The following ANKRD17 variants were observed in gnomAD, a reference collection of about 807,000 sequenced individuals.
ANKRD17 encodes the protein ankyrin repeat domain 17.
A neutral mutation model predicts 229.7 loss-of-function variants in ANKRD17; 19 were observed. That is an observed-to-expected ratio of 0.08 (90% CI 0.06 to 0.12). The LOEUF is 0.12. Ranked by LOEUF, ANKRD17 falls within the 10% of genes least tolerant of loss-of-function variation. ANKRD17 has a pLI of 1.00. For synonymous variants in ANKRD17, 1,112 were observed against 1,146.1 expected (o/e 0.97, Z 0.60); for missense variants, 2,176 against 3,176.8 (o/e 0.68, Z 7.57).
intron 3 of ANKRD17, among the ~76,000 whole-genome samples, chr4:73,159,554 T>C (rs1000203565): frequency 2.0e-5 from 3 of 152,232 alleles, no homozygotes; most frequent in African/African-American, 7.2e-5. Context: ...TCTCAAACTT[T>C]GTTGAATAAA....
intron 1 of ANKRD17, among the ~76,000 whole-genome samples, chr4:73,241,674 C>T (rs1744059707): frequency 6.6e-6 from 1 of 152,064 alleles, no homozygotes; most frequent in East Asian, 1.9e-4. Flanking sequence ...TAAACTGAAT[C>T]TGTAAAATGA....
chr4:73,211,951 G>A (rs1342177949), intron 1 of ANKRD17, among the ~76,000 whole-genome samples: 1 of 151,670 alleles, frequency 6.6e-6, no homozygotes, highest in Non-Finnish European at 1.5e-5. Flanking sequence ...AAAAAACACA[G>A]GAATAAAGAA....
Position 73,147,424 on chromosome 4 carries a change from T to C in ANKRD17, c.1576A>G (p.Ile526Val). 1 of 1,537,852 alleles carries C rather than the reference T, an allele frequency of 6.5e-7. No individual in the cohort carries two copies. Among genetic ancestry groups the C allele is most frequent in the South Asian group, 1.3e-5 (1 of 77,460 alleles). ...VALLLGQGAN[I>V]NAQTEETQET... is the part of the protein sequence containing the mutation. ...TGAGTTTCTTCTGTCTGTGCATTGATATTTGCTCCTAAAATAAAGATTCTA... is the reference window on the plus strand; with the variant it reads ...TGAGTTTCTTCTGTCTGTGCATTGACATTTGCTCCTAAAATAAAGATTCTA... The change falls in exon 9 of 34, where the codon ATC becomes GTC. Residue 526 changes from isoleucine to valine, a missense_variant. By Grantham distance (29) the Ile-to-Val change is conservative. This residue lies in a region of ANKRD17 where 42 missense variants were observed against 141.3 expected (regional missense o/e 0.30). Transcript: ENST00000358602.
At chr4:73,226,005 T>C in intron 1 of ANKRD17, among the ~76,000 whole-genome samples, 1 of 118,534 alleles carries the variant, frequency 8.4e-6, no homozygotes, top group Non-Finnish European at 1.7e-5. Flanking sequence ...AGGCGGAGTC[T>C]CGCTCTGTTG....
chr4:73,215,096 C>T (rs1036493964), intron 1 of ANKRD17, among the ~76,000 whole-genome samples: 1 of 151,966 alleles, frequency 6.6e-6, no homozygotes, highest in Non-Finnish European at 1.5e-5. Flanking sequence ...TTCTCAAGAA[C>T]GAATGATATG....
chr4:73,226,419 G>C, intron 1 of ANKRD17, among the ~76,000 whole-genome samples: 1 of 127,286 alleles, frequency 7.9e-6, no homozygotes. Flanking sequence ...TTTTGAGACG[G>C]AGTCTCGCAC....
intron 1 of ANKRD17, among the ~76,000 whole-genome samples, chr4:73,217,946 A>T (rs1741302410): frequency 6.6e-6 from 1 of 152,194 alleles, no homozygotes; most frequent in Admixed American, 6.5e-5. Context: ...TTTAGATAAG[A>T]AATATTCCAC....
At position 73,120,323 on chromosome 4, in the gene ANKRD17, T is replaced by G; in HGVS notation, c.3864A>C (p.Pro1288=). 1 of 1,613,922 alleles carries G rather than the reference T, an allele frequency of 6.2e-7. No individual in the cohort carries two copies. The highest frequency in any genetic ancestry group is 8.5e-7 in the Non-Finnish European group (1 of 1,179,956). Residue 1288 remains proline (P), a synonymous_variant, in exon 21 of 34, where the codon CCA becomes CCC. Coordinates refer to ENST00000358602, the MANE Select transcript of ANKRD17 (RefSeq NM_032217.5). The part of the protein sequence containing the change: ...VEHRAKTGLT[P]LMEAASGGYA... ...ATCCACCAGAGGCAGCTTCCATTAG[T>G]GGTGTGAGACCAGTCTAAGTTTAGT...
At chr4:73,097,727 T>C (rs1234245213) in intron 26 of ANKRD17, among the ~76,000 whole-genome samples, 2 of 152,150 alleles carry the variant, frequency 1.3e-5, no homozygotes, top group African/African-American at 4.8e-5. Flanking sequence ...GCATGAGCCA[T>C]TGCACCCAGC....
chr4:73,106,166 C>T (rs112716933), intron 24 of ANKRD17, among the ~76,000 whole-genome samples: 47 of 152,172 alleles, frequency 3.1e-4, no homozygotes, highest in African/African-American at 1.1e-3. Flanking sequence ...ATGGCGTGAA[C>T]CTGGGAGACG....
At chr4:73,125,408 T>C (rs1467349196) in intron 16 of ANKRD17, 96 bp from the exon 17 acceptor site, 1 of 879,496 alleles carries the variant, frequency 1.1e-6, no homozygotes, top group Middle Eastern at 3.2e-4. Context: ...CACAAATACA[T>C]ATGTACCACT....
intron 8 of ANKRD17, among the ~76,000 whole-genome samples, chr4:73,148,256 A>G (rs1730549070): frequency 6.6e-6 from 1 of 152,296 alleles, no homozygotes; most frequent in Non-Finnish European, 1.5e-5. Flanking sequence ...ATAAAATCAC[A>G]CTACAAATAC....
At chr4:73,127,875 T>C (rs1251813325) in intron 16 of ANKRD17, among the ~76,000 whole-genome samples, 4 of 151,676 alleles carry the variant, frequency 2.6e-5, no homozygotes, top group Non-Finnish European at 5.9e-5. Flanking sequence ...TTATAAGAAA[T>C]GAAAAACAAA....
intron 32 of ANKRD17, 30 bp downstream of exon 32, chr4:73,077,325 T>C (rs1374648863): frequency 1.3e-6 from 2 of 1,566,678 alleles, no homozygotes; most frequent in Non-Finnish European, 1.7e-6. Context: ...AATCCTCCCT[T>C]AAATAACTAG....
At chr4:73,121,115 A>T in intron 19 of ANKRD17, 21 bp from the exon 20 acceptor site, 2 of 1,574,860 alleles carry the variant, frequency 1.3e-6, no homozygotes, top group Non-Finnish European at 1.7e-6. Context: ...AGGTATGGGG[A>T]AAACAAATGG....
chr4:73,088,579 A>G lies in ANKRD17; in HGVS notation c.6961+2088T>C, dbSNP rs144095430. 1.9e-3 allele frequency among the ~76,000 whole-genome samples: 287 copies of G among 152,312 alleles called. 2 individuals are homozygous for G. The highest frequency in any genetic ancestry group is 6.3e-3 in the African/African-American group (261 of 41,562). On this transcript the variant is annotated intron_variant, in intron 29 of 33. Transcript: ENST00000358602. ...TAAATTCCAACTACTATAAAAATCA[A>G]ACTTAAAGCATTTCCTACGCACTGG...
At chr4:73,110,399 C>T (rs1040705363) in intron 24 of ANKRD17, among the ~76,000 whole-genome samples, 1 of 152,146 alleles carries the variant, frequency 6.6e-6, no homozygotes, top group Non-Finnish European at 1.5e-5. Flanking sequence ...TTGGCCAGGC[C>T]GGATTTGAAT....
chr4:73,204,047 AC>A (rs1739084671), intron 1 of ANKRD17, among the ~76,000 whole-genome samples: 1 of 151,980 alleles, frequency 6.6e-6, no homozygotes, highest in African/African-American at 2.4e-5. Context: ...CATGAAAAAG[AC>A]CTTTAAAGTG....
intron 1 of ANKRD17, among the ~76,000 whole-genome samples, chr4:73,230,923 ATATT>A (rs1393749009): frequency 6.6e-6 from 1 of 152,192 alleles, no homozygotes; most frequent in Non-Finnish European, 1.5e-5. Flanking sequence ...AACTGATAAA[ATATT>A]TATTGTTTAC....
Sources: gnomAD v4.1 joint callset for allele counts (sites outside exome capture counted in the v4.1 genomes callset) on GRCh38, gnomAD v4.1.1 for gene constraint, gnomAD v4.1.1 regional missense constraint, MANE v1.5 for transcripts, NCBI Gene and HGNC (gene_info 2026-07-23, HGNC 2026-07-21) for gene names.